Variants in TMEM232 observed in about 807,000 individuals in gnomAD.
TMEM232 encodes transmembrane protein 232.
In TMEM232, 80 loss-of-function variants were observed where a neutral mutation model predicts 78.8. That is an observed-to-expected ratio of 1.01 (90% CI 0.85 to 1.22). The LOEUF is 1.22. TMEM232 is among the 50% of genes most tolerant of loss of function. The pLI, the probability that TMEM232 is intolerant of heterozygous loss-of-function variation, is 0.00. For missense variants in TMEM232, 881 were observed against 742.2 expected (o/e 1.19, Z -2.17); for synonymous variants, 297 against 254.3 (o/e 1.17, Z -1.60).
chr5:110,587,455 A>G (rs192318453), intron 10 of TMEM232, among the ~76,000 whole-genome samples: 2 of 152,044 alleles, frequency 1.3e-5, no homozygotes, highest in South Asian at 2.1e-4. Flanking sequence ...GCAGACATTA[A>G]AACATATAAC....
At chr5:110,537,263 T>A (rs1353106951) in intron 11 of TMEM232, among the ~76,000 whole-genome samples, 3 of 151,310 alleles carry the variant, frequency 2.0e-5, no homozygotes, top group Non-Finnish European at 4.4e-5. Flanking sequence ...ACCCTGATAA[T>A]CTAAAGAGAA....
intron 2 of TMEM232, among the ~76,000 whole-genome samples, chr5:110,665,069 C>T (rs1437900765): frequency 6.6e-6 from 1 of 152,146 alleles, no homozygotes; most frequent in African/African-American, 2.4e-5. Flanking sequence ...TTTGCAGGGA[C>T]ACTCACATTC....
At chr5:110,494,782 A>G (rs1045613936) in intron 12 of TMEM232, among the ~76,000 whole-genome samples, 1 of 152,032 alleles carries the variant, frequency 6.6e-6, no homozygotes, top group Admixed American at 6.6e-5. Flanking sequence ...ATTTAATACT[A>G]TAACTATGTA....
At chr5:110,439,382 C>G (rs917367378) in intron 12 of TMEM232, among the ~76,000 whole-genome samples, 7 of 152,060 alleles carry the variant, frequency 4.6e-5, no homozygotes, top group Non-Finnish European at 7.4e-5. Flanking sequence ...TTAAAACATT[C>G]TAGAGATGCA....
intron 11 of TMEM232, among the ~76,000 whole-genome samples, chr5:110,536,293 TC>T (rs1036439856): frequency 6.6e-6 from 1 of 151,750 alleles, no homozygotes; most frequent in African/African-American, 2.4e-5. Context: ...GCCTTTTTTT[TC>T]TTTTTCAGTA....
chr5:110,662,620 C>T (rs1027480202), intron 2 of TMEM232, among the ~76,000 whole-genome samples: 3 of 151,880 alleles, frequency 2.0e-5, no homozygotes, highest in African/African-American at 4.8e-5. Context: ...GGCAGTGTGG[C>T]GTTGGTGTGG....
intron 12 of TMEM232, among the ~76,000 whole-genome samples, chr5:110,513,190 C>G (rs1320696761): frequency 6.6e-6 from 1 of 152,152 alleles, no homozygotes; most frequent in East Asian, 1.9e-4. Context: ...TTATATATTA[C>G]AAACCGATGT....
chr5:110,733,135 G>A (rs1282631051), intron 2 of TMEM232, among the ~76,000 whole-genome samples: 2 of 152,130 alleles, frequency 1.3e-5, no homozygotes, highest in Admixed American at 1.3e-4. Context: ...CCCATCTCAT[G>A]CCAGTCAGAA....
intron 2 of TMEM232, among the ~76,000 whole-genome samples, chr5:110,655,824 C>T (rs1788962363): frequency 1.4e-5 from 2 of 147,620 alleles, no homozygotes; most frequent in African/African-American, 5.0e-5. Flanking sequence ...CCAAACACTG[C>T]ATGTTCTCAC....
At chr5:110,688,730 A>G (rs1213445242) in intron 1 of TMEM232, among the ~76,000 whole-genome samples, 1 of 152,194 alleles carries the variant, frequency 6.6e-6, no homozygotes, top group African/African-American at 2.4e-5. Context: ...AAACTCATTT[A>G]GCCAAAAGGA....
chr5:110,705,755 TGTGTGTGC>T, intron 1 of TMEM232, among the ~76,000 whole-genome samples: 1 of 139,830 alleles, frequency 7.2e-6, no homozygotes, highest in East Asian at 2.1e-4. Flanking sequence ...TGTGTGTGTA[TGTGTGTGC>T]GTGTGTGTGT....
chr5:110,711,590 T>C (rs564512350), intron 1 of TMEM232, among the ~76,000 whole-genome samples: 3 of 152,170 alleles, frequency 2.0e-5, no homozygotes, highest in Non-Finnish European at 1.5e-5. Context: ...AACAGACACA[T>C]AGACCAATGG....
intron 12 of TMEM232, among the ~76,000 whole-genome samples, chr5:110,468,498 A>G (rs1762333434): frequency 6.6e-6 from 1 of 152,120 alleles, no homozygotes; most frequent in Non-Finnish European, 1.5e-5. Context: ...ATAACTTTAA[A>G]TATCAATGTA....
intron 12 of TMEM232, among the ~76,000 whole-genome samples, chr5:110,425,650 A>C (rs1232663496): frequency 1.3e-5 from 2 of 152,058 alleles, no homozygotes; most frequent in East Asian, 3.9e-4. Context: ...CCCTCATTTC[A>C]TCAGGTTCTG....
Position 110,671,403 on chromosome 5 carries a change from T to C in TMEM232, c.-12-4039A>G, listed in dbSNP as rs550465178. ...CCCAGCAATCCCATTACTGGGTATA[T>C]AACCAAAGGATTATAAATCATTCTA... is the stretch of plus-strand genomic sequence containing the variant. On this transcript the variant is annotated intron_variant, in intron 1 of 13. Transcript: ENST00000455884. 3.2e-3 allele frequency among the ~76,000 whole-genome samples: 487 copies of C among 152,300 alleles called. 1 individual carries two copies. The highest frequency in any genetic ancestry group is 0.011 in the African/African-American group (465 of 41,544).
At chr5:110,498,196 C>G (rs1580941254) in intron 12 of TMEM232, among the ~76,000 whole-genome samples, 2 of 152,164 alleles carry the variant, frequency 1.3e-5, no homozygotes, top group East Asian at 3.9e-4. Flanking sequence ...TATTAAAGTT[C>G]AAGAAGTTCA....
intron 3 of TMEM232, among the ~76,000 whole-genome samples, chr5:110,393,942 G>A (rs1335549135): frequency 2.9e-5 from 4 of 135,882 alleles, no homozygotes; most frequent in Non-Finnish European, 6.1e-5. Context: ...TAGGTGACAA[G>A]AGTGAAACTT....
intron 3 of TMEM232, among the ~76,000 whole-genome samples, chr5:110,395,565 G>A (rs73782449): frequency 0.017 from 2,641 of 152,202 alleles, 84 homozygotes; most frequent in African/African-American, 0.06. Flanking sequence ...GTTCTCTGCT[G>A]GGTCCAAGAA....
At chr5:110,416,398 A>C (rs1756213103), downstream of TMEM232, among the ~76,000 whole-genome samples, 1 of 152,238 alleles carries the variant, frequency 6.6e-6, no homozygotes, top group African/African-American at 2.4e-5. Flanking sequence ...TAAAACAAAT[A>C]GGGGTGTTCT....
Sources: allele counts gnomAD v4.1 joint callset (sites outside exome capture counted in the v4.1 genomes callset), GRCh38; gene constraint gnomAD v4.1.1; transcripts MANE v1.5; gene names NCBI Gene and HGNC (gene_info 2026-07-23, HGNC 2026-07-21).